NUS1: variants seen among roughly 807,000 people sequenced by gnomAD.
NUS1 encodes the protein dehydrodolichyl diphosphate synthase complex subunit NUS1.
For synonymous variants in NUS1, 135 were observed against 155.2 expected (o/e 0.87, Z 0.97); for missense variants, 292 against 382.9 (o/e 0.76, Z 1.98).
At chr6:117,684,689 A>AC (rs1452601062) in intron 1 of NUS1, among the ~76,000 whole-genome samples, 1 of 152,194 alleles carries the variant, frequency 6.6e-6, no homozygotes, top group Non-Finnish European at 1.5e-5. Context: ...TGTCCATATG[A>AC]TACTCTACTT....
At position 117,675,916 on chromosome 6, in the gene NUS1, C is replaced by G. The variant is rs1023259853; in HGVS notation, c.246C>G (p.His82Gln). ...GGGGGTCGTGCCTGGCAGCCGCACA[C>G]CACCGGATGCGCTGGCGCGCGGACG... is the stretch of plus-strand genomic sequence containing the variant. ...PRGGSCLAAA[H>Q]HRMRWRADGR... The change falls in exon 1 of 5, where the codon CAC becomes CAG. Residue 82 changes from histidine (H) to glutamine (Q), a missense_variant. Physicochemically the swap from His to Gln is conservative, Grantham distance 24. Coordinates refer to ENST00000368494, the MANE Select transcript of NUS1 (RefSeq NM_138459.5). The G allele has an allele frequency of 1.5e-4, 224 of 1,543,494 alleles. 1 individual carries two copies. The highest frequency in any genetic ancestry group is 1.8e-4 in the Non-Finnish European group (207 of 1,143,270).
chr6:117,678,534 T>C (rs1773016333), intron 1 of NUS1, among the ~76,000 whole-genome samples: 1 of 152,076 alleles, frequency 6.6e-6, no homozygotes, highest in Non-Finnish European at 1.5e-5. Flanking sequence ...GTCAGTGGTG[T>C]AGGAAGGGGT....
At chr6:117,706,834 T>C (rs1773507678) in intron 4 of NUS1, 91 bp from the exon 5 acceptor site, 1 of 984,526 alleles carries the variant, frequency 1.0e-6, no homozygotes, top group African/African-American at 1.6e-5. Flanking sequence ...TGTATTCTAT[T>C]CTTAACTTCT....
chr6:117,694,938 T>G (rs1201753013), intron 3 of NUS1, among the ~76,000 whole-genome samples: 2 of 152,136 alleles, frequency 1.3e-5, no homozygotes, highest in African/African-American at 2.4e-5. Context: ...CTCACACTTG[T>G]AATCCCAGCA....
At chr6:117,686,248 A>G (rs1773138724) in intron 1 of NUS1, among the ~76,000 whole-genome samples, 1 of 152,072 alleles carries the variant, frequency 6.6e-6, no homozygotes, top group Non-Finnish European at 1.5e-5. Flanking sequence ...CAACAGAGCA[A>G]GATTCCGTCT....
chr6:117,677,876 G>A (rs1471494476), intron 1 of NUS1, among the ~76,000 whole-genome samples: 1 of 152,212 alleles, frequency 6.6e-6, no homozygotes, highest in East Asian at 1.9e-4. Flanking sequence ...AATAGGTGAA[G>A]CAAAAGTGGA....
chr6:117,689,081 A>T (rs1274228333), intron 1 of NUS1, among the ~76,000 whole-genome samples: 1 of 152,222 alleles, frequency 6.6e-6, no homozygotes, highest in East Asian at 1.9e-4. Flanking sequence ...AGAATGGGCC[A>T]TTCAAGGAGC....
At chr6:117,680,691 T>C (rs1292321178) in intron 1 of NUS1, among the ~76,000 whole-genome samples, 1 of 152,152 alleles carries the variant, frequency 6.6e-6, no homozygotes, top group Non-Finnish European at 1.5e-5. Context: ...ACTCTGCTAC[T>C]TGCCTTACAT....
Position 117,676,293 on chromosome 6 carries a change from C to T in NUS1, c.415+208C>T, listed in dbSNP as rs72967259. Among the ~76,000 whole-genome samples, 12,532 of 152,240 alleles carry T rather than the reference C, an allele frequency of 0.082. 733 individuals are homozygous for T. Among genetic ancestry groups the T allele is most frequent in the South Asian group, 0.24 (1,138 of 4,828 alleles). On this transcript the variant is annotated intron_variant, in intron 1 of 4. Transcript: ENST00000368494. ...AGCTTTTTAACATTTTAAAAATATC[C>T]CTTGGCCGGGCGCGGTGGCTCATGC... is the stretch of plus-strand genomic sequence containing the variant.
intron 1 of NUS1, among the ~76,000 whole-genome samples, chr6:117,688,893 T>C (rs996429672): frequency 3.3e-5 from 5 of 152,192 alleles, no homozygotes; most frequent in African/African-American, 1.2e-4. Flanking sequence ...CCTTAAATTT[T>C]TGCACCCCAA....
At chr6:117,677,665 A>G (rs936904618) in intron 1 of NUS1, among the ~76,000 whole-genome samples, 1 of 152,244 alleles carries the variant, frequency 6.6e-6, no homozygotes, top group African/African-American at 2.4e-5. Context: ...TCTTTCCTGC[A>G]GCCCGCAAGG....
chr6:117,679,148 T>C (rs1453276761), intron 1 of NUS1, among the ~76,000 whole-genome samples: 1 of 152,190 alleles, frequency 6.6e-6, no homozygotes, highest in Non-Finnish European at 1.5e-5. Context: ...CATTAAAAAT[T>C]AACACAAGCT....
At chr6:117,681,901 C>G (rs898381614) in intron 1 of NUS1, among the ~76,000 whole-genome samples, 1 of 152,156 alleles carries the variant, frequency 6.6e-6, no homozygotes, top group South Asian at 2.1e-4. Context: ...GGTGCGATCT[C>G]GGCTCACTGC....
rs186951444 is a variant in NUS1, at chr6:117,695,180, T to C, written c.691+1000T>C. On this transcript the variant is annotated intron_variant, in intron 3 of 4. Coordinates refer to ENST00000368494, the MANE Select transcript of NUS1 (RefSeq NM_138459.5). Reference sequence around the variant, plus strand: ...GTACACTCTAGCCTGGGTGACGGAGTGAGACCCTGTCTCAAAAAAAAAAAA... The same window carrying C: ...GTACACTCTAGCCTGGGTGACGGAGCGAGACCCTGTCTCAAAAAAAAAAAA... Among the ~76,000 whole-genome samples, 759 of 109,116 alleles carry C rather than the reference T, an allele frequency of 7.0e-3. 9 individuals are homozygous for C. Among genetic ancestry groups the C allele is most frequent in the African/African-American group, 0.027 (729 of 27,328 alleles). 71.6% of individuals were successfully genotyped at this position (109,116 alleles called of 152,430 possible).
chr6:117,686,684 G>A (rs1008770360), intron 1 of NUS1, among the ~76,000 whole-genome samples: 2 of 152,000 alleles, frequency 1.3e-5, no homozygotes, highest in Non-Finnish European at 2.9e-5. Flanking sequence ...TTTTGTAATA[G>A]TTTCTTTATC....
At chr6:117,682,088 T>C (rs1200741311) in intron 1 of NUS1, among the ~76,000 whole-genome samples, 1 of 152,138 alleles carries the variant, frequency 6.6e-6, no homozygotes, top group African/African-American at 2.4e-5. Context: ...TGCCTCAGCC[T>C]CCCAAAGTGC....
At chr6:117,685,740 A>C (rs567619833) in intron 1 of NUS1, among the ~76,000 whole-genome samples, 6 of 152,264 alleles carry the variant, frequency 3.9e-5, no homozygotes, top group African/African-American at 1.4e-4. Context: ...ACAAAACATA[A>C]AGTAAAAATC....
intron 3 of NUS1, among the ~76,000 whole-genome samples, chr6:117,700,091 A>G (rs1313456329): frequency 1.3e-5 from 2 of 152,000 alleles, no homozygotes; most frequent in African/African-American, 4.8e-5. Flanking sequence ...TAGGACATTG[A>G]ACTGGGCCAA....
At chr6:117,701,216 A>G (rs578166033) in intron 3 of NUS1, among the ~76,000 whole-genome samples, 1 of 143,606 alleles carries the variant, frequency 7.0e-6, no homozygotes, top group Non-Finnish European at 1.5e-5. Context: ...ATCATAGTAT[A>G]TTTCTCCATT....
Sources: allele counts gnomAD v4.1 joint callset (sites outside exome capture counted in the v4.1 genomes callset), GRCh38; gene constraint gnomAD v4.1.1; transcripts MANE v1.5; gene names NCBI Gene and HGNC (gene_info 2026-07-23, HGNC 2026-07-21).